Variants in ANK2 observed in about 807,000 individuals in gnomAD.
The protein encoded by ANK2 is ankyrin-2.
ANK2 carries 83 observed loss-of-function variants against 360.5 expected under a neutral mutation model. The observed-to-expected ratio is 0.23, with a 90% confidence interval of 0.19 to 0.28. The LOEUF is 0.28. Among genes scored for constraint, ANK2 ranks in the 10% least tolerant of loss-of-function variants. ANK2 has a pLI of 1.00. For synonymous variants in ANK2, 1,740 were observed against 1,759.5 expected (o/e 0.99, Z 0.28); for missense variants, 4,201 against 4,795.7 (o/e 0.88, Z 3.66).
chr4:112,954,701 CTTTTTAAATTAGAAAAGTTTTGGTT>C (rs1383614514), intron 2 of ANK2, among the ~76,000 whole-genome samples: 2 of 152,036 alleles, frequency 1.3e-5, no homozygotes, highest in Non-Finnish European at 2.9e-5. Flanking sequence ...TTGACAAGGT[CTTTTTAAATTAGAAAAGTTTTGGTT>C]TTAGAAATGG....
intron 2 of ANK2, among the ~76,000 whole-genome samples, chr4:113,026,551 A>C (rs1387551359): frequency 1.3e-5 from 2 of 152,198 alleles, no homozygotes; most frequent in Admixed American, 6.5e-5. Flanking sequence ...CATTGGATTG[A>C]ATTTTTGTAG....
intron 1 of ANK2, among the ~76,000 whole-genome samples, chr4:112,873,598 G>A (rs1289254834): frequency 6.7e-6 from 1 of 148,486 alleles, no homozygotes; most frequent in African/African-American, 2.5e-5. Context: ...GTGCAGTGGC[G>A]TGATCTTGGC....
chr4:112,857,535 T>A (rs2066740954), intron 1 of ANK2, among the ~76,000 whole-genome samples: 1 of 152,242 alleles, frequency 6.6e-6, no homozygotes. Context: ...TGTTTAAATT[T>A]ACAAGAGCAT....
chr4:112,710,697 CAA>C, the ANK2 span, among the ~76,000 whole-genome samples: 8 of 126,288 alleles, frequency 6.3e-5, no homozygotes, highest in Non-Finnish European at 5.1e-5. Flanking sequence ...GACTCCATCT[CAA>C]AAAAAAAAAA....
At chr4:112,758,129 C>G in the ANK2 span, among the ~76,000 whole-genome samples, 9 of 151,764 alleles carry the variant, frequency 5.9e-5, no homozygotes, top group African/African-American at 2.2e-4. Flanking sequence ...ACTCAGGTCC[C>G]GACCTCAGGT....
chr4:112,871,335 G>A (rs2072947705), intron 1 of ANK2, among the ~76,000 whole-genome samples: 4 of 152,120 alleles, frequency 2.6e-5, no homozygotes, highest in South Asian at 4.2e-4. Context: ...ATAGGCGCAC[G>A]CCGCTATGCC....
chr4:113,109,839 T>C (rs2094097311), intron 1 of ANK2, among the ~76,000 whole-genome samples: 1 of 152,206 alleles, frequency 6.6e-6, no homozygotes, highest in Non-Finnish European at 1.5e-5. Flanking sequence ...ATGCTGTTCA[T>C]ACAGGTGCTT....
chr4:112,810,377 T>C, the ANK2 span, among the ~76,000 whole-genome samples: 2 of 151,908 alleles, frequency 1.3e-5, no homozygotes, highest in Non-Finnish European at 2.9e-5. Flanking sequence ...AATTCTCTGC[T>C]ATCTTCTGAT....
chr4:113,165,661 G>C (rs960420509), intron 1 of ANK2, among the ~76,000 whole-genome samples: 1 of 152,024 alleles, frequency 6.6e-6, no homozygotes, highest in African/African-American at 2.4e-5. Context: ...TAGTTCTTAT[G>C]TTATTCTCTA....
chr4:113,073,496 T>G (rs927266159), intron 1 of ANK2, among the ~76,000 whole-genome samples: 2 of 152,086 alleles, frequency 1.3e-5, no homozygotes, highest in African/African-American at 4.8e-5. Context: ...GGAACTAGGA[T>G]GCCAGCCTGA....
intron 2 of ANK2, among the ~76,000 whole-genome samples, chr4:113,009,048 A>G (rs748850927): frequency 6.6e-6 from 1 of 152,220 alleles, no homozygotes; most frequent in Non-Finnish European, 1.5e-5. Flanking sequence ...ACAGAAGTAT[A>G]CGTGGAAGGC....
intron 4 of ANK2, among the ~76,000 whole-genome samples, chr4:113,223,604 A>C (rs1363585091): frequency 6.6e-6 from 1 of 152,124 alleles, no homozygotes; most frequent in Non-Finnish European, 1.5e-5. Context: ...TCTGAAAATA[A>C]ATGTCTAAGA....
At position 112,938,886 on chromosome 4, in the gene ANK2, A is replaced by T. The variant is rs551587665; in HGVS notation, c.21+34372A>T. ...AGGTAAAAATTTTTCTGTTCTGTTG[A>T]CTACTGTGTCTCCAGAATCTAGAAC... On this transcript the variant is annotated intron_variant, in intron 2 of 30. Coordinates refer to the ANK2 transcript ENST00000503271. Among the ~76,000 whole-genome samples, 4 of 152,352 alleles carry T rather than the reference A, an allele frequency of 2.6e-5. No individual in the cohort carries two copies. The South Asian group carries it at 8.3e-4, about 32-fold the overall frequency.
At chr4:112,977,576 T>A (rs925078563) in intron 2 of ANK2, among the ~76,000 whole-genome samples, 3 of 151,838 alleles carry the variant, frequency 2.0e-5, no homozygotes, top group Non-Finnish European at 4.4e-5. Context: ...TTTTATTTTT[T>A]TTTTTTACTT....
Position 113,168,123 on chromosome 4 carries a change from G to A in ANK2, c.85-6293G>A, listed in dbSNP as rs148113609. Among the ~76,000 whole-genome samples, 14 of 152,240 alleles carry A rather than the reference G, an allele frequency of 9.2e-5. No homozygotes were observed. In the East Asian group the frequency reaches 1.4e-3, roughly 15 times the overall value. On this transcript the variant is annotated intron_variant, in intron 1 of 45. Coordinates refer to ENST00000357077, the MANE Select transcript of ANK2 (RefSeq NM_001148.6). Reference sequence around the variant, plus strand: ...TCATGGTTGGTATCTTAGGGAAAGCGTTGATAAGTGATATAATTTAGCTAG... The same window carrying A: ...TCATGGTTGGTATCTTAGGGAAAGCATTGATAAGTGATATAATTTAGCTAG...
At chr4:112,788,562 G>T in the ANK2 span, 1 of 1,587,154 alleles carries the variant, frequency 6.3e-7, no homozygotes, top group Non-Finnish European at 8.6e-7. Context: ...CTCTTGCTTT[G>T]TCTCTGGTCT....
intron 2 of ANK2, among the ~76,000 whole-genome samples, chr4:113,020,869 A>AATGT (rs2057899480): frequency 6.6e-6 from 1 of 151,684 alleles, no homozygotes; most frequent in African/African-American, 2.4e-5. Flanking sequence ...GAGCTTAATG[A>AATGT]ATGTATTTGA....
chr4:113,035,299 A>G (rs2061355144), intron 2 of ANK2, among the ~76,000 whole-genome samples: 2 of 151,938 alleles, frequency 1.3e-5, no homozygotes, highest in Non-Finnish European at 2.9e-5. Flanking sequence ...ATAGACAAGA[A>G]GTGGCATAGT....
rs796344953 is a variant in ANK2, at chr4:112,887,693, A to T, written c.-39-16762A>T. ...ATGAGTTTTCATAGAGGTTTCCATGAATTAGCAGACTAAAGAGATTGGTCT... is the reference window on the plus strand; with the variant it reads ...ATGAGTTTTCATAGAGGTTTCCATGTATTAGCAGACTAAAGAGATTGGTCT... On this transcript the variant is annotated intron_variant, in intron 1 of 30. Transcript: ENST00000503271. 1.2e-4 allele frequency among the ~76,000 whole-genome samples: 18 copies of T among 152,258 alleles called. 2 individuals carry two copies. The highest frequency in any genetic ancestry group is 4.3e-4 in the African/African-American group (18 of 41,576).
Sources: allele counts gnomAD v4.1 joint callset (sites outside exome capture counted in the v4.1 genomes callset), GRCh38; gene constraint gnomAD v4.1.1; transcripts MANE v1.5; gene names NCBI Gene and HGNC (gene_info 2026-07-23, HGNC 2026-07-21).